The following GET4 variants were observed in gnomAD, a reference collection of about 807,000 sequenced individuals.
GET4 encodes Golgi to ER traffic protein 4 homolog.
A neutral mutation model predicts 40.0 loss-of-function variants in GET4; 20 were observed. The observed-to-expected ratio is 0.50, with a 90% CI of 0.35 to 0.73. The LOEUF (loss-of-function observed/expected upper bound fraction) is 0.73, where lower values mean the gene tolerates loss of function less well. Ranked by LOEUF, GET4 falls within the 30% of genes least tolerant of loss-of-function variation. The pLI, the probability that GET4 is intolerant of heterozygous loss-of-function variation, is 0.01. For missense variants in GET4, 557 were observed against 454.0 expected (o/e 1.23, Z -2.06); for synonymous variants, 280 against 194.6 (o/e 1.44, Z -3.65).
Position 887,515 on chromosome 7 carries a change from G to T in GET4, c.462G>T (p.Trp154Cys). ...RLHQLLALTL[W>C]KEQNYCESRY... ...ACCAGCTGCTGGCCCTCACCCTGTGGAAAGGTAGGCCTGGGGCCAGGGCAG... is the reference window on the plus strand; with the variant it reads ...ACCAGCTGCTGGCCCTCACCCTGTGTAAAGGTAGGCCTGGGGCCAGGGCAG... The change falls in exon 4 of 9, where the codon TGG (tryptophan) becomes TGT (cysteine). Residue 154 changes from tryptophan to cysteine, a missense_variant. Transcript: ENST00000265857. 1 of 1,536,452 alleles carries T rather than the reference G, an allele frequency of 6.5e-7. No homozygotes were observed.
chr7:887,146 C>T (rs768560774), intron 3 of GET4: 11 of 693,340 alleles, frequency 1.6e-5, no homozygotes, highest in African/African-American at 3.5e-5. Flanking sequence ...GCCCCCGCCT[C>T]GGCCAGGGCG....
intron 1 of GET4, chr7:882,673 G>A (rs991358700): frequency 1.3e-5 from 2 of 150,618 alleles, no homozygotes; most frequent in African/African-American, 2.5e-5. Context: ...GGTTGTGGGC[G>A]GCCGACCTTG....
chr7:880,522 TCTG>T (rs1223761105), intron 1 of GET4: 1 of 152,262 alleles, frequency 6.6e-6, no homozygotes, highest in African/African-American at 2.4e-5. Context: ...TGATGAGCAT[TCTG>T]CTCCCTTAAG....
intron 8 of GET4, among the ~76,000 whole-genome samples, chr7:895,031 G>A (rs1844444387): frequency 1.3e-5 from 2 of 151,554 alleles, no homozygotes. Flanking sequence ...TCCTGTTGGT[G>A]GGTGTGGAGG....
chr7:893,487 AGTGTTGGGT>A (rs1844387546), intron 6 of GET4, among the ~76,000 whole-genome samples: 1 of 91,722 alleles, frequency 1.1e-5, no homozygotes, highest in Non-Finnish European at 2.2e-5. Context: ...TGTGCAGGTG[AGTGTTGGGT>A]GCGGGCATGG....
intron 4 of GET4, among the ~76,000 whole-genome samples, chr7:888,845 C>T (rs1245820938): frequency 6.6e-6 from 1 of 152,258 alleles, no homozygotes; most frequent in Admixed American, 6.5e-5. Flanking sequence ...GTGGGCCCCA[C>T]TGCCAGGTTA....
intron 1 of GET4, chr7:883,096 C>T (rs917349814): frequency 2.0e-5 from 3 of 152,246 alleles, no homozygotes; most frequent in Non-Finnish European, 2.9e-5. Flanking sequence ...CTAAGAGGAG[C>T]GTCTTGTGAA....
At chr7:884,299 G>T in intron 1 of GET4, 1 of 1,304,110 alleles carries the variant, frequency 7.7e-7, no homozygotes, top group South Asian at 1.2e-5. Context: ...ACGGCTCCCG[G>T]CCTCCTCTGA....
In GET4 at chr7:893,784, C is replaced by T. The variant is rs1844400527; in HGVS notation, c.791C>T (p.Pro264Leu). The change falls in exon 7 of 9, where the codon CCA becomes CTA. Residue 264 changes from proline to leucine, a missense_variant. Transcript: ENST00000265857. ...VFTVLCEQYQPSLRRDPMYNE... is the reference protein window; with the variant it reads ...VFTVLCEQYQLSLRRDPMYNE... ...ACTGTGCTGTGTGAGCAGTACCAGC[C>T]ATCCCTCCGGCGGGACCCCATGTAC... 6.2e-7 allele frequency: 1 copy of T among 1,611,404 alleles called. No homozygotes were observed. Among genetic ancestry groups the T allele is most frequent in the Non-Finnish European group, 8.5e-7 (1 of 1,178,230 alleles).
At position 892,206 on chromosome 7, in the gene GET4, G is replaced by A. The variant is rs148250778; in HGVS notation, c.606-72G>A. Reference sequence around the variant, plus strand: ...CGCACGAGCTTGGGAAGGACATGTCGGAGGCCGGCGCCTGTGCGGGCAGAA... The same window carrying A: ...CGCACGAGCTTGGGAAGGACATGTCAGAGGCCGGCGCCTGTGCGGGCAGAA... On this transcript the variant is annotated intron_variant, in intron 5 of 8. Transcript: ENST00000265857. 4,515 of 1,509,774 alleles carry A rather than the reference G, an allele frequency of 3.0e-3. 11 individuals are homozygous for A. The highest frequency in any genetic ancestry group is 3.3e-3 in the Non-Finnish European group (3,664 of 1,098,190). The allele number at this position is 1,509,774 out of a possible 1,614,324, so 93.5% of individuals were successfully genotyped here. A position where few individuals can be genotyped will look rare whatever the true frequency, so the allele number is the denominator to read the frequency against.
chr7:892,912 G>A (rs1844361899), intron 6 of GET4, among the ~76,000 whole-genome samples: 1 of 151,622 alleles, frequency 6.6e-6, no homozygotes, highest in Non-Finnish European at 1.5e-5. Flanking sequence ...GTGGGGGTGT[G>A]CAGGTGTGTG....
chr7:893,399 TGG>T (rs1844383191), intron 6 of GET4, among the ~76,000 whole-genome samples: 1 of 88,280 alleles, frequency 1.1e-5, no homozygotes, highest in African/African-American at 4.4e-5. Context: ...GTGTTGGGCG[TGG>T]GCGCGGTGGT....
intron 5 of GET4, among the ~76,000 whole-genome samples, chr7:891,709 A>G (rs1844325807): frequency 1.3e-5 from 2 of 152,270 alleles, no homozygotes; most frequent in South Asian, 4.1e-4. Context: ...ATTTGGGGAC[A>G]GACATCCTCT....
At chr7:891,985 CAGGAG>C in intron 5 of GET4, among the ~76,000 whole-genome samples, 1 of 152,350 alleles carries the variant, frequency 6.6e-6, no homozygotes, top group African/African-American at 2.4e-5. Context: ...CGGGCGGCCT[CAGGAG>C]AGGAGAGCTT....
At chr7:889,159 C>T (rs1001053139) in intron 4 of GET4, among the ~76,000 whole-genome samples, 6 of 152,284 alleles carry the variant, frequency 3.9e-5, no homozygotes, top group Admixed American at 2.0e-4. Flanking sequence ...GGGCTGCGCT[C>T]GGCGCATCTG....
chr7:888,580 T>G (rs905303171), intron 4 of GET4, among the ~76,000 whole-genome samples: 3 of 152,190 alleles, frequency 2.0e-5, no homozygotes, highest in Non-Finnish European at 2.9e-5. Context: ...GTGTGCCGAG[T>G]GGCGGGGCAC....
intron 3 of GET4, 70 bp downstream of exon 3, chr7:886,720 C>T (rs1025986154): frequency 6.4e-5 from 64 of 994,002 alleles, no homozygotes; most frequent in South Asian, 1.4e-4. Context: ...CGGGTCTCTG[C>T]GCTGTGTTTC....
At position 895,361 on chromosome 7, in the gene GET4, C is replaced by T; in HGVS notation, c.923C>T (p.Ser308Phe). The change falls in exon 9 of 9, where the codon TCC becomes TTC. Residue 308 changes from serine to phenylalanine, a missense_variant. Coordinates refer to ENST00000265857, the MANE Select transcript of GET4 (RefSeq NM_015949.3). The stretch of plus-strand genomic sequence containing the variant: ...AACCTTCTGACCAGCCTCATGGGCT[C>T]CTCAGAGCAGGAGGATGGGGAGGAG... ...LGNLLTSLMG[S>F]SEQEDGEESP... The T allele has an allele frequency of 1.9e-6, 3 of 1,595,256 alleles. No homozygotes were observed. The highest frequency in any genetic ancestry group is 1.7e-6 in the Non-Finnish European group (2 of 1,164,688).
chr7:878,466 C>T (rs1406651455), intron 1 of GET4: 4 of 441,334 alleles, frequency 9.1e-6, no homozygotes, highest in African/African-American at 6.1e-5. Context: ...GGGGTACCTT[C>T]TAAACTGCCA....
Sources: allele counts gnomAD v4.1 joint callset (sites outside exome capture counted in the v4.1 genomes callset), GRCh38; gene constraint gnomAD v4.1.1; transcripts MANE v1.5; gene names NCBI Gene and HGNC (gene_info 2026-07-23, HGNC 2026-07-21).